The following CADM2 variants were observed in gnomAD, a reference collection of about 807,000 sequenced individuals.
CADM2 encodes the protein cell adhesion molecule 2, also known as immunoglobulin superfamily member 4D.
A neutral mutation model predicts 49.8 loss-of-function variants in CADM2; 12 were observed. The observed-to-expected ratio is 0.24, with a 90% CI of 0.15 to 0.39. The LOEUF (loss-of-function observed/expected upper bound fraction) is 0.39, where lower values mean the gene tolerates loss of function less well. Ranked by LOEUF, CADM2 falls within the 10% of genes least tolerant of loss-of-function variation. CADM2 has a pLI of 1.00. For missense variants in CADM2, 378 were observed against 492.3 expected (o/e 0.77, Z 2.20); for synonymous variants, 214 against 175.4 (o/e 1.22, Z -1.74).
chr3:85,925,631 G>A (rs4856606), intron 6 of CADM2, among the ~76,000 whole-genome samples: 106,475 of 151,996 alleles, frequency 0.7, 38,841 homozygotes, highest in African/African-American at 0.92. Context: ...TAGAACTTGA[G>A]GTGTGGATTG....
At chr3:85,905,151 A>C (rs1358371620) in intron 5 of CADM2, among the ~76,000 whole-genome samples, 2 of 152,100 alleles carry the variant, frequency 1.3e-5, no homozygotes, top group African/African-American at 4.8e-5. Flanking sequence ...CTGAACTCCC[A>C]ACTCTAGGAA....
intron 1 of CADM2, among the ~76,000 whole-genome samples, chr3:85,095,938 T>C (rs1399862933): frequency 6.6e-6 from 1 of 152,020 alleles, no homozygotes; most frequent in Non-Finnish European, 1.5e-5. Flanking sequence ...GTTGTGCAGT[T>C]GAGATGGATG....
chr3:85,696,943 A>G (rs2066576297), intron 1 of CADM2, among the ~76,000 whole-genome samples: 1 of 151,784 alleles, frequency 6.6e-6, no homozygotes, highest in African/African-American at 2.4e-5. Flanking sequence ...CATCTTTAGA[A>G]AATATTTTCA....
intron 1 of CADM2, among the ~76,000 whole-genome samples, chr3:85,604,028 T>C (rs1161915446): frequency 6.6e-6 from 1 of 151,946 alleles, no homozygotes; most frequent in Non-Finnish European, 1.5e-5. Flanking sequence ...ATTAGAATCT[T>C]ATTATACATA....
chr3:85,827,536 G>A (rs1278375396), intron 3 of CADM2, among the ~76,000 whole-genome samples: 2 of 151,576 alleles, frequency 1.3e-5, no homozygotes, highest in Admixed American at 6.6e-5. Flanking sequence ...AAGCAATGGG[G>A]GATTATTCTA....
At chr3:85,142,068 T>C (rs763580655) in intron 1 of CADM2, among the ~76,000 whole-genome samples, 2 of 152,226 alleles carry the variant, frequency 1.3e-5, no homozygotes, top group Admixed American at 6.5e-5. Context: ...ATCACATAGT[T>C]ACACCTCACT....
At chr3:85,147,074 A>G (rs1308968232) in intron 1 of CADM2, among the ~76,000 whole-genome samples, 1 of 151,972 alleles carries the variant, frequency 6.6e-6, no homozygotes. Context: ...GGAGGTCAAG[A>G]CCATCCTGGC....
intron 8 of CADM2, among the ~76,000 whole-genome samples, chr3:86,041,139 A>G (rs2107240678): frequency 6.6e-6 from 1 of 152,354 alleles, no homozygotes. Flanking sequence ...GCCAAATTGT[A>G]AAGACCGTCG....
intron 8 of CADM2, among the ~76,000 whole-genome samples, chr3:86,049,123 A>T (rs1737033419): frequency 6.6e-6 from 1 of 152,146 alleles, no homozygotes; most frequent in South Asian, 2.1e-4. Context: ...AAAAACAGTT[A>T]TGATTCAGTG....
At chr3:85,935,513 T>A (rs1721100296) in intron 6 of CADM2, among the ~76,000 whole-genome samples, 1 of 152,036 alleles carries the variant, frequency 6.6e-6, no homozygotes, top group Admixed American at 6.6e-5. Flanking sequence ...ATTTCTCTTT[T>A]AAATTCAGAT....
chr3:85,065,911 A>T (rs1421968680), intron 1 of CADM2, among the ~76,000 whole-genome samples: 1 of 152,316 alleles, frequency 6.6e-6, no homozygotes, highest in South Asian at 2.1e-4. Context: ...GTAACAATTC[A>T]TTAGCACTCA....
intron 1 of CADM2, among the ~76,000 whole-genome samples, chr3:85,656,890 G>C (rs2107598020): frequency 6.6e-6 from 1 of 152,228 alleles, no homozygotes; most frequent in South Asian, 2.1e-4. Context: ...ATAAGAATTA[G>C]AGATATAGAA....
At chr3:85,342,115 T>G (rs2107196918) in intron 1 of CADM2, among the ~76,000 whole-genome samples, 1 of 152,212 alleles carries the variant, frequency 6.6e-6, no homozygotes, top group Non-Finnish European at 1.5e-5. Context: ...TCTATCCATC[T>G]GACAAAGGGC....
At chr3:85,129,010 A>G (rs146001565) in intron 1 of CADM2, among the ~76,000 whole-genome samples, 101 of 152,240 alleles carry the variant, frequency 6.6e-4, no homozygotes, top group African/African-American at 2.3e-3. Flanking sequence ...AATCTAGTCC[A>G]AATCATGTTT....
intron 1 of CADM2, among the ~76,000 whole-genome samples, chr3:85,389,099 T>C (rs2034392867): frequency 6.6e-6 from 1 of 152,064 alleles, no homozygotes; most frequent in Non-Finnish European, 1.5e-5. Context: ...AAGTAACGTT[T>C]TGTGATGCCT....
intron 1 of CADM2, among the ~76,000 whole-genome samples, chr3:85,350,159 G>C (rs1432843178): frequency 6.6e-6 from 1 of 152,140 alleles, no homozygotes; most frequent in Non-Finnish European, 1.5e-5. Context: ...TTAGTTCTTA[G>C]TGTCTATACT....
intron 1 of CADM2, among the ~76,000 whole-genome samples, chr3:85,177,929 A>C (rs1015828048): frequency 1.3e-5 from 2 of 152,004 alleles, no homozygotes; most frequent in Admixed American, 1.3e-4. Flanking sequence ...TAATCCAATT[A>C]TTGAATTTAG....
At chr3:85,592,903 G>A (rs922702527) in intron 1 of CADM2, among the ~76,000 whole-genome samples, 4 of 151,724 alleles carry the variant, frequency 2.6e-5, no homozygotes, top group Non-Finnish European at 4.4e-5. Flanking sequence ...CCCTTTCTGT[G>A]TCCATGTATT....
At position 86,023,501 on chromosome 3, in the gene CADM2, G is replaced by C. The variant is rs1380869685; in HGVS notation, c.971-42104G>C. Among the ~76,000 whole-genome samples, 3 of 152,038 alleles carry C rather than the reference G, an allele frequency of 2.0e-5. No homozygotes were observed. In the East Asian group the frequency reaches 5.8e-4, roughly 29 times the overall value. On this transcript the variant is annotated intron_variant, in intron 8 of 9. Transcript: ENST00000383699. ...GGCCTCCTGAGTGCCTGGGATTCCA[G>C]GCATGCACCACCACACCCAGCTAAT... is the stretch of plus-strand genomic sequence containing the variant.
Sources: gnomAD v4.1 joint callset for allele counts (sites outside exome capture counted in the v4.1 genomes callset) on GRCh38, gnomAD v4.1.1 for gene constraint, MANE v1.5 for transcripts, NCBI Gene and HGNC (gene_info 2026-07-23, HGNC 2026-07-21) for gene names.